ARHGAP42: variants seen among roughly 807,000 people sequenced by gnomAD.
The protein encoded by ARHGAP42 is Rho GTPase activating protein 42.
ARHGAP42 carries 63 observed loss-of-function variants against 125.0 expected under a neutral mutation model. The observed-to-expected ratio is 0.50, with a 90% CI of 0.41 to 0.62. The LOEUF (loss-of-function observed/expected upper bound fraction) is 0.62. Among genes scored for constraint, ARHGAP42 ranks in the 20% least tolerant of loss-of-function variants. ARHGAP42 has a pLI of 0.00. For synonymous variants in ARHGAP42, 339 were observed against 351.0 expected (o/e 0.97, Z 0.38); for missense variants, 766 against 1,024.2 (o/e 0.75, Z 3.44).
intron 1 of ARHGAP42, among the ~76,000 whole-genome samples, chr11:100,713,226 A>G (rs1591122350): frequency 6.6e-6 from 1 of 152,234 alleles, no homozygotes; most frequent in South Asian, 2.1e-4. Flanking sequence ...TGTTTTATAT[A>G]CTATTAGAAA....
chr11:100,741,555 C>G (rs1396943079), intron 1 of ARHGAP42, among the ~76,000 whole-genome samples: 1 of 152,174 alleles, frequency 6.6e-6, no homozygotes, highest in Non-Finnish European at 1.5e-5. Context: ...ATTGAAGAAC[C>G]CTGAAGACCT....
At chr11:100,764,434 A>T (rs927405005) in intron 1 of ARHGAP42, among the ~76,000 whole-genome samples, 25 of 151,970 alleles carry the variant, frequency 1.6e-4, no homozygotes, top group African/African-American at 6.0e-4. Context: ...CAGCTCTTAG[A>T]CTCCAGGCAA....
At chr11:100,696,998 A>C (rs1369512521) in intron 1 of ARHGAP42, among the ~76,000 whole-genome samples, 1 of 152,112 alleles carries the variant, frequency 6.6e-6, no homozygotes, top group Non-Finnish European at 1.5e-5. Context: ...TGTCAATGTC[A>C]GGTAACATGT....
chr11:100,949,031 A>G (rs475432), intron 11 of ARHGAP42, among the ~76,000 whole-genome samples: 126,641 of 152,094 alleles, frequency 0.83, 52,809 homozygotes, highest in African/African-American at 0.87. Flanking sequence ...AAATTGTATG[A>G]TAGTCTACTT....
Position 100,960,922 on chromosome 11 carries a change from C to A in ARHGAP42, c.1233C>A (p.Thr411=). ...GATTTTCCTTCCTATTAGGTATCAC[C>A]ATTTTAGGACTCTACCGAATAGGAG... ...CIQAVETRGI[T]ILGLYRIGGV... Residue 411 remains threonine, a synonymous_variant, in exon 14 of 24, where the codon ACC becomes ACA. Coordinates refer to ENST00000298815, the MANE Select transcript of ARHGAP42 (RefSeq NM_152432.4). 6.6e-7 allele frequency: 1 copy of A among 1,523,754 alleles called. No individual in the cohort carries two copies. Among genetic ancestry groups the A allele is most frequent in the Non-Finnish European group, 8.8e-7 (1 of 1,132,550 alleles). 94.4% of individuals were successfully genotyped at this position (1,523,754 alleles called of 1,614,324 possible). A position where few individuals can be genotyped will look rare whatever the true frequency, so the allele number is the denominator to read the frequency against.
intron 3 of ARHGAP42, among the ~76,000 whole-genome samples, chr11:100,809,572 T>A (rs1591199285): frequency 6.6e-6 from 1 of 152,342 alleles, no homozygotes; most frequent in East Asian, 1.9e-4. Flanking sequence ...AAACATTTAC[T>A]TAAAAATTAG....
intron 1 of ARHGAP42, among the ~76,000 whole-genome samples, chr11:100,723,689 G>A (rs1402067074): frequency 1.3e-5 from 2 of 152,058 alleles, no homozygotes; most frequent in African/African-American, 2.4e-5. Flanking sequence ...TCTTCAACAT[G>A]TACAGTCTTG....
chr11:100,707,718 G>T (rs1861501562), intron 1 of ARHGAP42, among the ~76,000 whole-genome samples: 1 of 152,190 alleles, frequency 6.6e-6, no homozygotes, highest in Admixed American at 6.5e-5. Flanking sequence ...CTTGCTGTGT[G>T]TCAGGTACTG....
chr11:100,835,691 C>T (rs993337445), intron 3 of ARHGAP42, among the ~76,000 whole-genome samples: 2 of 152,010 alleles, frequency 1.3e-5, no homozygotes, highest in Non-Finnish European at 2.9e-5. Context: ...TAATGATATT[C>T]CTATTGCCAT....
intron 4 of ARHGAP42, among the ~76,000 whole-genome samples, chr11:100,904,070 CCA>C (rs1866652280): frequency 6.6e-6 from 1 of 151,924 alleles, no homozygotes; most frequent in Non-Finnish European, 1.5e-5. Flanking sequence ...TTGGCAATAC[CCA>C]CACAGACAGA....
intron 1 of ARHGAP42, among the ~76,000 whole-genome samples, chr11:100,739,712 C>T (rs1471193039): frequency 6.6e-6 from 1 of 152,160 alleles, no homozygotes; most frequent in African/African-American, 2.4e-5. Flanking sequence ...CTTTTGTAAA[C>T]ATGAGTTGCT....
chr11:100,983,967 A>T (rs1858607836), intron 22 of ARHGAP42, among the ~76,000 whole-genome samples: 2 of 152,154 alleles, frequency 1.3e-5, no homozygotes, highest in African/African-American at 4.8e-5. Context: ...AATATAAAAC[A>T]TTAATTGGCA....
intron 14 of ARHGAP42, 103 bp downstream of exon 14, chr11:100,961,092 A>T (rs1857941504): frequency 1.4e-6 from 1 of 721,580 alleles, no homozygotes; most frequent in African/African-American, 1.8e-5. Context: ...TTTTCAAATA[A>T]TATTTAAAGT....
chr11:100,695,003 C>A (rs994915875), intron 1 of ARHGAP42, among the ~76,000 whole-genome samples: 3 of 152,236 alleles, frequency 2.0e-5, no homozygotes, highest in Admixed American at 2.0e-4. Flanking sequence ...TGCGCTCCAG[C>A]CTGGTTGACA....
Position 100,837,666 on chromosome 11 carries a change from C to CTTTTTTTTTTTTTTTTTTTTTTTTTTTTT in ARHGAP42, c.313-21885_313-21857dup, listed in dbSNP as rs373059302. Among the ~76,000 whole-genome samples the CTTTTTTTTTTTTTTTTTTTTTTTTTTTTT allele has an allele frequency of 1.5e-4, 9 of 61,062 alleles. 1 individual carries two copies. The highest frequency in any genetic ancestry group is 4.2e-4 in the African/African-American group (6 of 14,198). 40.1% of individuals were successfully genotyped at this position (61,062 alleles called of 152,430 possible). A position where few individuals can be genotyped will look rare whatever the true frequency, so the allele number is the denominator to read the frequency against. Reference sequence around the variant, plus strand: ...CAGTTCCCAGAATCTAGGTGTCATCCTTTTTTTTTTTTTTTTTTTTTTTTT... The same window carrying CTTTTTTTTTTTTTTTTTTTTTTTTTTTTT: ...CAGTTCCCAGAATCTAGGTGTCATCCTTTTTTTTTTTTTTTTTTTTTTTTTTTTTTTTTTTTTTTTTTTTTTTTTTTTTT... On this transcript the variant is annotated intron_variant, in intron 3 of 23. Coordinates refer to ENST00000298815, the MANE Select transcript of ARHGAP42 (RefSeq NM_152432.4).
At chr11:100,846,517 C>T (rs980605959) in intron 3 of ARHGAP42, among the ~76,000 whole-genome samples, 3 of 152,164 alleles carry the variant, frequency 2.0e-5, no homozygotes, top group Non-Finnish European at 4.4e-5. Flanking sequence ...CTACCCTACC[C>T]CCACTTCCAA....
chr11:100,940,061 A>T (rs1400174036), intron 8 of ARHGAP42, among the ~76,000 whole-genome samples: 2 of 152,164 alleles, frequency 1.3e-5, no homozygotes, highest in East Asian at 3.8e-4. Flanking sequence ...AAGTATTATT[A>T]AGTATTATAG....
At chr11:100,841,485 T>G (rs1864946312) in intron 3 of ARHGAP42, among the ~76,000 whole-genome samples, 1 of 152,096 alleles carries the variant, frequency 6.6e-6, no homozygotes, top group African/African-American at 2.4e-5. Context: ...GTACAAAATG[T>G]GGAATCAGTT....
intron 12 of ARHGAP42, among the ~76,000 whole-genome samples, chr11:100,952,459 C>T (rs1037531084): frequency 2.0e-5 from 3 of 152,098 alleles, no homozygotes; most frequent in Non-Finnish European, 2.9e-5. Flanking sequence ...TAAATAAATA[C>T]ACTCAATTGC....
Sources: gnomAD v4.1 joint callset for allele counts (sites outside exome capture counted in the v4.1 genomes callset) on GRCh38, gnomAD v4.1.1 for gene constraint, MANE v1.5 for transcripts, NCBI Gene and HGNC (gene_info 2026-07-23, HGNC 2026-07-21) for gene names.